The following PDE10A variants were observed in gnomAD, a reference collection of about 807,000 sequenced individuals.
PDE10A encodes cAMP and cAMP-inhibited cGMP 3',5'-cyclic phosphodiesterase 10A.
A neutral mutation model predicts 97.7 loss-of-function variants in PDE10A; 39 were observed. That is an observed-to-expected ratio of 0.40 (90% CI 0.31 to 0.52). The LOEUF is 0.52. Ranked by LOEUF, PDE10A falls within the 20% of genes least tolerant of loss-of-function variation. The pLI, the probability that PDE10A is intolerant of heterozygous loss-of-function variation, is 0.56. For missense variants in PDE10A, 731 were observed against 1,047.8 expected (o/e 0.70, Z 4.17); for synonymous variants, 371 against 376.8 (o/e 0.98, Z 0.18).
At chr6:165,957,635 G>A (rs1376116007) in intron 1 of PDE10A, among the ~76,000 whole-genome samples, 3 of 152,294 alleles carry the variant, frequency 2.0e-5, no homozygotes, top group Non-Finnish European at 2.9e-5. Context: ...AAGCCCATGG[G>A]AGTCCAGCTC....
chr6:165,349,261 C>T (rs1266914209), intron 18 of PDE10A, among the ~76,000 whole-genome samples: 1 of 152,080 alleles, frequency 6.6e-6, no homozygotes, highest in Non-Finnish European at 1.5e-5. Context: ...TGTTGAATGG[C>T]TTTGACCAAA....
At chr6:165,384,471 T>C (rs1195912397) in intron 17 of PDE10A, among the ~76,000 whole-genome samples, 3 of 152,126 alleles carry the variant, frequency 2.0e-5, no homozygotes, top group Admixed American at 6.5e-5. Flanking sequence ...GCTCTTGTAT[T>C]TACCCTTACT....
rs1562810156 is a variant in PDE10A at position 165,943,341 on chromosome 6, G to GAAAGA, written c.-615+44187_-615+44188insTCTTT. Among the ~76,000 whole-genome samples, 6 of 104,964 alleles carry GAAAGA rather than the reference G, an allele frequency of 5.7e-5. 1 individual carries two copies. The highest frequency in any genetic ancestry group is 3.2e-4 in the African/African-American group (6 of 18,836). The allele number at this position is 104,964 out of a possible 152,430, so 68.9% of individuals were successfully genotyped here. The stretch of plus-strand genomic sequence containing the variant: ...AAGGAAAGAAAGAAAAAGAAAGAAA[G>GAAAGA]AAAAGAGAAAGAAAGAAAGAGAAAG... On this transcript the variant is annotated intron_variant, in intron 1 of 19. Coordinates refer to the PDE10A transcript ENST00000366882.
chr6:165,804,771 GGGGGACTGGGCGACGGCCCC>G (rs1562745133), intron 1 of PDE10A, among the ~76,000 whole-genome samples: 1 of 151,994 alleles, frequency 6.6e-6, no homozygotes. Context: ...GAGCGGCGGC[GGGGGACTGGGCGACGGCCCC>G]GGGGCCGGGC....
chr6:165,619,449 C>CTAGTGTACTGTAGTG (rs1787972977), intron 1 of PDE10A, among the ~76,000 whole-genome samples: 1 of 16,408 alleles, frequency 6.1e-5, no homozygotes, highest in African/African-American at 4.1e-4. Context: ...GTAGTATAGT[C>CTAGTGTACTGTAGTG]TAGTGTAGTG....
chr6:165,561,176 G>A (rs902393454), intron 1 of PDE10A, among the ~76,000 whole-genome samples: 17 of 150,542 alleles, frequency 1.1e-4, no homozygotes, highest in African/African-American at 2.5e-4. Context: ...CCGAGATCAC[G>A]CCACTGCACT....
rs78855961 is a variant in PDE10A at position 165,611,288 on chromosome 6, C to A, written c.865+50659G>T. On this transcript the variant is annotated intron_variant, in intron 1 of 21. Transcript: ENST00000539869. ...CATAGCACTTGTTACTGAATTAGAA[C>A]CTCACCTGTCCTGACTGATAAGCTG... Among the ~76,000 whole-genome samples the A allele has an allele frequency of 7.7e-4, 117 of 152,232 alleles. 2 individuals are homozygous for A. The East Asian group carries it at 0.013, about 17-fold the overall frequency.
intron 1 of PDE10A, among the ~76,000 whole-genome samples, chr6:165,621,859 G>A (rs1312367174): frequency 6.6e-6 from 1 of 152,124 alleles, no homozygotes; most frequent in Non-Finnish European, 1.5e-5. Context: ...CACAGCCACT[G>A]CCTTCTCACT....
At position 165,828,555 on chromosome 6, in the gene PDE10A, G is replaced by A. The variant is rs545031657; in HGVS notation, c.-615+158974C>T. Among the ~76,000 whole-genome samples, 126 of 152,314 alleles carry A rather than the reference G, an allele frequency of 8.3e-4. 1 individual carries two copies. In the South Asian group the frequency reaches 0.025, roughly 31 times the overall value. On this transcript the variant is annotated intron_variant, in intron 1 of 19. Coordinates refer to the PDE10A transcript ENST00000366882. ...ATATGTGCATTAACTGGGAACAGGA[G>A]ATGTTAGTATTCCCATTTATGAAGA...
intron 1 of PDE10A, among the ~76,000 whole-genome samples, chr6:165,847,455 T>C (rs1055298295): frequency 6.6e-6 from 1 of 152,250 alleles, no homozygotes; most frequent in Non-Finnish European, 1.5e-5. Context: ...ACGGCCAAAG[T>C]GGGCAAAACT....
At chr6:165,814,696 T>C (rs1779363426) in intron 1 of PDE10A, among the ~76,000 whole-genome samples, 1 of 152,184 alleles carries the variant, frequency 6.6e-6, no homozygotes, top group Non-Finnish European at 1.5e-5. Context: ...CTATTTTCTA[T>C]AATCAAAGGA....
At chr6:165,563,445 T>G (rs1026544865) in intron 1 of PDE10A, among the ~76,000 whole-genome samples, 5 of 152,200 alleles carry the variant, frequency 3.3e-5, no homozygotes, top group Non-Finnish European at 5.9e-5. Flanking sequence ...CATCATTTCT[T>G]GGTACTGCCC....
At chr6:165,794,541 C>G (rs113435918) in intron 1 of PDE10A, among the ~76,000 whole-genome samples, 11 of 151,980 alleles carry the variant, frequency 7.2e-5, no homozygotes, top group African/African-American at 2.4e-4. Flanking sequence ...CACACACACT[C>G]ATTACACACT....
At chr6:165,619,409 C>CTACTG (rs1562634724) in intron 1 of PDE10A, among the ~76,000 whole-genome samples, 1 of 7,296 alleles carries the variant, frequency 1.4e-4, no homozygotes, top group African/African-American at 7.9e-4. Flanking sequence ...GTAGTGTAGT[C>CTACTG]TAGTGTAGTG....
rs529442203 is a variant in PDE10A, at chr6:165,816,919, G to A, written c.-615+170610C>T. On this transcript the variant is annotated intron_variant, in intron 1 of 19. Transcript: ENST00000366882. Reference sequence around the variant, plus strand: ...AAGCCTCTAAGGGGATGATGGGTGCGGCACACTTAAGAGCAGGAGTGGCTG... The same window carrying A: ...AAGCCTCTAAGGGGATGATGGGTGCAGCACACTTAAGAGCAGGAGTGGCTG... Among the ~76,000 whole-genome samples, 21 of 152,238 alleles carry A rather than the reference G, an allele frequency of 1.4e-4. No homozygotes were observed. In the East Asian group the frequency reaches 2.5e-3, roughly 18 times the overall value.
intron 1 of PDE10A, among the ~76,000 whole-genome samples, chr6:165,566,394 G>A (rs1333476059): frequency 6.6e-6 from 1 of 152,086 alleles, no homozygotes; most frequent in Non-Finnish European, 1.5e-5. Context: ...CTATTTAAAT[G>A]GCCAAAATCC....
chr6:165,559,124 T>C (rs969616952), intron 1 of PDE10A, among the ~76,000 whole-genome samples: 1 of 152,196 alleles, frequency 6.6e-6, no homozygotes, highest in Non-Finnish European at 1.5e-5. Context: ...GCTTAGGTAA[T>C]TGACCAGGCA....
At chr6:165,962,395 T>A (rs1784388479) in intron 1 of PDE10A, among the ~76,000 whole-genome samples, 4 of 152,194 alleles carry the variant, frequency 2.6e-5, no homozygotes. Context: ...CAGTTGCACT[T>A]CTCGTCTTCA....
At position 165,390,172 on chromosome 6, in the gene PDE10A, A is replaced by T. The variant is rs114406559; in HGVS notation, c.2455-1719T>A. Among the ~76,000 whole-genome samples, 577 of 152,306 alleles carry T rather than the reference A, an allele frequency of 3.8e-3. 2 individuals carry two copies. Among genetic ancestry groups the T allele is most frequent in the African/African-American group, 0.013 (536 of 41,578 alleles). ...AAAAAACAACAAAACAAAAACAAAC[A>T]AACAAAAAACCCCAAGGGAGGAACA... On this transcript the variant is annotated intron_variant, in intron 16 of 21. Coordinates refer to ENST00000539869, the MANE Select transcript of PDE10A (RefSeq NM_001385079.1).
Sources: allele counts gnomAD v4.1 joint callset (sites outside exome capture counted in the v4.1 genomes callset), GRCh38; gene constraint gnomAD v4.1.1; transcripts MANE v1.5; gene names NCBI Gene and HGNC (gene_info 2026-07-23, HGNC 2026-07-21).